Variants in ROBO2 observed in about 807,000 individuals in gnomAD.
The protein encoded by ROBO2 is roundabout homolog 2.
A neutral mutation model predicts 160.8 loss-of-function variants in ROBO2; 53 were observed. The ratio of observed to expected loss-of-function variants is 0.33; its 90% CI spans 0.26 to 0.41. The LOEUF is 0.41. Among genes scored for constraint, ROBO2 ranks in the 10% least tolerant of loss-of-function variants. The pLI is 1.00. For synonymous variants in ROBO2, 664 were observed against 611.7 expected, an observed-to-expected ratio of 1.09 and a Z score of -1.26; for missense variants, 1,577 against 1,722.4, an observed-to-expected ratio of 0.92 and a Z score of 1.49.
intron 2 of ROBO2, among the ~76,000 whole-genome samples, chr3:76,569,212 T>C (rs555536915): frequency 1.8e-4 from 28 of 152,132 alleles, no homozygotes; most frequent in African/African-American, 6.5e-4. Context: ...TCTAAAACAG[T>C]TGGGCCAATT....
chr3:76,345,386 T>C (rs920151089), intron 2 of ROBO2, among the ~76,000 whole-genome samples: 3 of 151,342 alleles, frequency 2.0e-5, no homozygotes, highest in Non-Finnish European at 4.4e-5. Flanking sequence ...AGAATGTGTA[T>C]AAACATGTGC....
chr3:77,373,162 T>A (rs1178074110), intron 2 of ROBO2, among the ~76,000 whole-genome samples: 2 of 147,274 alleles, frequency 1.4e-5, no homozygotes, highest in Non-Finnish European at 3.0e-5. Flanking sequence ...AAAATTATTA[T>A]TAAAATTATA....
rs959741322 is a variant in ROBO2, at chr3:77,583,662, A to G, written c.2500+3544A>G. Among the ~76,000 whole-genome samples the G allele has an allele frequency of 4.0e-5, 6 of 151,818 alleles. No individual in the cohort carries two copies. The East Asian group carries it at 1.2e-3, about 29-fold the overall frequency. On this transcript the variant is annotated intron_variant, in intron 16 of 25. Transcript: ENST00000461745. ...CCATCTTGTCTCATAGTCTACTTCT[A>G]TTGATTATCTTTTCTGCTGACCTTG...
At chr3:76,683,400 A>G (rs2092611804) in intron 2 of ROBO2, among the ~76,000 whole-genome samples, 1 of 150,222 alleles carries the variant, frequency 6.7e-6, no homozygotes, top group Admixed American at 6.7e-5. Context: ...TTGCTTCAGT[A>G]TAATATGATT....
At chr3:77,451,333 A>C (rs748081802) in intron 2 of ROBO2, among the ~76,000 whole-genome samples, 2 of 152,174 alleles carry the variant, frequency 1.3e-5, no homozygotes, top group Non-Finnish European at 2.9e-5. Context: ...AGGATCCTCC[A>C]AACTTAAAAG....
chr3:77,425,726 A>G (rs1000415376), intron 2 of ROBO2, among the ~76,000 whole-genome samples: 4 of 149,740 alleles, frequency 2.7e-5, no homozygotes, highest in African/African-American at 7.4e-5. Flanking sequence ...ATGCAGTGGC[A>G]TGATCTCGGC....
intron 2 of ROBO2, among the ~76,000 whole-genome samples, chr3:76,038,618 G>C (rs1014465655): frequency 1.3e-5 from 2 of 151,808 alleles, no homozygotes; most frequent in Non-Finnish European, 2.9e-5. Context: ...AGCTGCATCC[G>C]GCCCACTTTC....
At chr3:77,095,477 A>G (rs2070915424) in intron 1 of ROBO2, among the ~76,000 whole-genome samples, 2 of 152,144 alleles carry the variant, frequency 1.3e-5, no homozygotes, top group Admixed American at 1.3e-4. Flanking sequence ...AAGTTGATAT[A>G]GTAAATAGCA....
At chr3:76,572,171 G>A (rs1341652917) in intron 2 of ROBO2, among the ~76,000 whole-genome samples, 7 of 152,138 alleles carry the variant, frequency 4.6e-5, no homozygotes, top group African/African-American at 1.2e-4. Flanking sequence ...TAGCAGGGCA[G>A]TACTATCACT....
intron 2 of ROBO2, among the ~76,000 whole-genome samples, chr3:76,299,438 G>A (rs553963228): frequency 2.2e-4 from 34 of 152,260 alleles, no homozygotes; most frequent in African/African-American, 8.2e-4. Context: ...TGTTAAGGAA[G>A]CCAGTATGGC....
At chr3:77,225,802 A>C (rs1456327498) in intron 2 of ROBO2, among the ~76,000 whole-genome samples, 1 of 152,030 alleles carries the variant, frequency 6.6e-6, no homozygotes, top group African/African-American at 2.4e-5. Context: ...AATAATGTTT[A>C]AAAGCCACAA....
intron 2 of ROBO2, among the ~76,000 whole-genome samples, chr3:77,119,177 T>A (rs2074497638): frequency 6.6e-6 from 1 of 152,184 alleles, no homozygotes; most frequent in South Asian, 2.1e-4. Context: ...GATTGTAAGT[T>A]TCCTGAGGCC....
chr3:76,464,401 C>T (rs981817155), intron 2 of ROBO2, among the ~76,000 whole-genome samples: 1 of 152,068 alleles, frequency 6.6e-6, no homozygotes, highest in African/African-American at 2.4e-5. Flanking sequence ...AAGGTTTAGT[C>T]CCACACTGCC....
At chr3:77,474,669 C>CAT (rs2083772179) in intron 2 of ROBO2, among the ~76,000 whole-genome samples, 1 of 135,848 alleles carries the variant, frequency 7.4e-6, no homozygotes, top group African/African-American at 2.6e-5. Flanking sequence ...CACACACACA[C>CAT]ACACACACAC....
chr3:77,596,814 T>C, intron 19 of ROBO2, 64 bp downstream of exon 20: 1 of 1,586,144 alleles, frequency 6.3e-7, no homozygotes, highest in Non-Finnish European at 8.6e-7. Context: ...TTTTTGACCT[T>C]CCTGGATTTT....
At chr3:77,157,069 C>T (rs2078076724) in intron 2 of ROBO2, among the ~76,000 whole-genome samples, 1 of 151,952 alleles carries the variant, frequency 6.6e-6, no homozygotes, top group Admixed American at 6.6e-5. Context: ...AATGATGAGT[C>T]TGCACATTAA....
At chr3:77,316,425 T>G (rs948777381) in intron 2 of ROBO2, among the ~76,000 whole-genome samples, 1 of 152,174 alleles carries the variant, frequency 6.6e-6, no homozygotes, top group African/African-American at 2.4e-5. Context: ...AATCACAGTT[T>G]CATTAATTTA....
intron 1 of ROBO2, among the ~76,000 whole-genome samples, chr3:75,933,756 G>A (rs868032719): frequency 6.6e-6 from 1 of 152,124 alleles, no homozygotes; most frequent in Non-Finnish European, 1.5e-5. Flanking sequence ...GGAACCATTC[G>A]GGGAGGGCAG....
rs60227808 is a variant in ROBO2 at position 76,540,512 on chromosome 3, A to T, written c.110-557502A>T. Among the ~76,000 whole-genome samples, 1,400 of 152,310 alleles carry T rather than the reference A, an allele frequency of 9.2e-3. 19 individuals carry two copies. The highest frequency in any genetic ancestry group is 0.027 in the African/African-American group (1,136 of 41,574). On this transcript the variant is annotated intron_variant, in intron 2 of 26. Coordinates refer to the ROBO2 transcript ENST00000487694. Reference sequence around the variant, plus strand: ...GCAGAAATACTAGGACATACAAATAAGCAAAATTGACAAAATTAAAAACCC... The same window carrying T: ...GCAGAAATACTAGGACATACAAATATGCAAAATTGACAAAATTAAAAACCC...
Sources: gnomAD v4.1 joint callset for allele counts (sites outside exome capture counted in the v4.1 genomes callset) on GRCh38, gnomAD v4.1.1 for gene constraint, MANE v1.5 for transcripts, NCBI Gene and HGNC (gene_info 2026-07-23, HGNC 2026-07-21) for gene names.